The following HDLBP variants were observed in gnomAD, a reference collection of about 807,000 sequenced individuals.
HDLBP encodes high density lipoprotein binding protein, also known as vigilin.
A neutral mutation model predicts 137.3 loss-of-function variants in HDLBP; 30 were observed. That is an observed-to-expected ratio of 0.22 (90% confidence interval 0.16 to 0.30). The LOEUF (loss-of-function observed/expected upper bound fraction) is 0.30, where lower values mean the gene tolerates loss of function less well. HDLBP is among the 10% of genes least tolerant of loss of function. The pLI, the probability that HDLBP is intolerant of heterozygous loss-of-function variation, is 1.00. For synonymous variants in HDLBP, 606 were observed against 596.0 expected, an observed-to-expected ratio of 1.02 and a Z score of -0.24; for missense variants, 1,119 against 1,667.3, an observed-to-expected ratio of 0.67 and a Z score of 5.73.
At chr2:241,247,242 T>C in intron 14 of HDLBP, 100 bp from the exon 15 acceptor site, 2 of 744,916 alleles carry the variant, frequency 2.7e-6, no homozygotes, top group South Asian at 3.0e-5. Flanking sequence ...GACAGAGCAC[T>C]GGTATTTGCA....
chr2:241,249,228 G>A, intron 12 of HDLBP: 1 of 444,644 alleles, frequency 2.2e-6, no homozygotes, highest in Non-Finnish European at 4.7e-6. Context: ...CTAAGCGAAT[G>A]ACAGGGAACC....
intron 1 of HDLBP, among the ~76,000 whole-genome samples, chr2:241,288,764 C>T (rs993985764): frequency 2.6e-5 from 4 of 152,190 alleles, no homozygotes; most frequent in African/African-American, 4.8e-5. Context: ...GGGCTTGAAG[C>T]CCACGCAGGC....
At chr2:241,237,263 C>CA (rs1418334454) in intron 20 of HDLBP, among the ~76,000 whole-genome samples, 1 of 152,096 alleles carries the variant, frequency 6.6e-6, no homozygotes, top group Non-Finnish European at 1.5e-5. Flanking sequence ...AGGGCAAGGC[C>CA]AAGGTAAACC....
rs1465230622 is a variant in HDLBP, at chr2:241,238,919, C to T, written c.2611-132G>A. The T allele has an allele frequency of 1.2e-5, 8 of 673,358 alleles. No individual in the cohort carries two copies. The highest frequency in any genetic ancestry group is 8.7e-5 in the East Asian group (3 of 34,496). The allele number at this position is 673,358 out of a possible 1,614,324, so 41.7% of individuals were successfully genotyped here. ...CTTGGCACAGATGCTCCCCTTCTCCCGAGTCCAGGGCTCCAGGCGCAGGGA... is the reference window on the plus strand; with the variant it reads ...CTTGGCACAGATGCTCCCCTTCTCCTGAGTCCAGGGCTCCAGGCGCAGGGA... On this transcript the variant is annotated intron_variant, in intron 19 of 27. Transcript: ENST00000310931. The surrounding 1 kb of genome is among the most constrained non-coding windows in gnomAD (Gnocchi z 4.9).
chr2:241,256,496 A>AC (rs892803097), intron 6 of HDLBP, 97 bp from the exon 7 acceptor site: 1 of 1,496,672 alleles, frequency 6.7e-7, no homozygotes, highest in African/African-American at 1.4e-5. Flanking sequence ...CTCCACCCCC[A>AC]CCACATTATG....
At chr2:241,254,835 A>G (rs2072486523) in intron 9 of HDLBP, among the ~76,000 whole-genome samples, 1 of 152,226 alleles carries the variant, frequency 6.6e-6, no homozygotes, top group Non-Finnish European at 1.5e-5. Context: ...CTCTCTGGTT[A>G]AAGGCCAGAA....
At chr2:241,293,737 T>C (rs1292135450) in intron 1 of HDLBP, among the ~76,000 whole-genome samples, 5 of 150,286 alleles carry the variant, frequency 3.3e-5, no homozygotes, top group African/African-American at 4.9e-5. Context: ...CTGGGCAACA[T>C]AGCGAAACCT....
At chr2:241,231,122 C>T (rs375765013) in intron 24 of HDLBP, 178 bp from the exon 25 acceptor site, 54 of 587,548 alleles carry the variant, frequency 9.2e-5, no homozygotes, top group African/African-American at 8.8e-4. Flanking sequence ...CGGTGGCTCA[C>T]GCCTGTAATC....
intron 17 of HDLBP, among the ~76,000 whole-genome samples, chr2:241,241,136 C>T (rs1010465488): frequency 5.3e-5 from 8 of 152,064 alleles, no homozygotes; most frequent in Admixed American, 1.3e-4. Context: ...ACCCCAGAAA[C>T]GCAAGGCTGG....
intron 1 of HDLBP, among the ~76,000 whole-genome samples, chr2:241,278,963 T>C (rs2074497222): frequency 1.3e-5 from 2 of 152,166 alleles, no homozygotes; most frequent in Admixed American, 1.3e-4. Context: ...AGGCGGATGC[T>C]GCAGTGAACC....
intron 1 of HDLBP, among the ~76,000 whole-genome samples, chr2:241,291,479 AG>A (rs2075012838): frequency 6.6e-6 from 1 of 152,130 alleles, no homozygotes; most frequent in African/African-American, 2.4e-5. Context: ...TTATAGTACT[AG>A]GGGGAAATGC....
Position 241,235,009 on chromosome 2 carries a change from C to T in HDLBP, c.3144+112G>A, listed in dbSNP as rs999149497. The T allele has an allele frequency of 2.2e-6, 3 of 1,349,404 alleles. No individual in the cohort carries two copies. In the African/African-American group the frequency reaches 4.3e-5, roughly 19 times the overall value. The allele number at this position is 1,349,404 out of a possible 1,614,324, so 83.6% of individuals were successfully genotyped here. A position where few individuals can be genotyped will look rare whatever the true frequency, so the allele number is the denominator to read the frequency against. Reference sequence around the variant, plus strand: ...CCTGGCACTGCCTGCATCTCACCTCCAGCCAGATGTCGCTGGGATGCTGGG... The same window carrying T: ...CCTGGCACTGCCTGCATCTCACCTCTAGCCAGATGTCGCTGGGATGCTGGG... On this transcript the variant is annotated intron_variant, in intron 23 of 27. Transcript: ENST00000310931.
At chr2:241,256,972 G>C (rs1044046376) in intron 5 of HDLBP, among the ~76,000 whole-genome samples, 166 bp from the exon 6 acceptor site, 5 of 152,290 alleles carry the variant, frequency 3.3e-5, no homozygotes, top group African/African-American at 9.6e-5. Context: ...GCTTGGGGAA[G>C]GTTGCCCTGA....
chr2:241,305,557 C>T lies in HDLBP; in HGVS notation c.-103+10013G>A, dbSNP rs191229452. 9.9e-5 allele frequency among the ~76,000 whole-genome samples: 15 copies of T among 152,248 alleles called. No homozygotes were observed. In the East Asian group the frequency reaches 1.7e-3, roughly 18 times the overall value. ...CATTTTGAGTCGAATACTTCTGTTGCGGGGGCTGCCCTGTGTACCACAGGA... is the reference window on the plus strand; with the variant it reads ...CATTTTGAGTCGAATACTTCTGTTGTGGGGGCTGCCCTGTGTACCACAGGA... On this transcript the variant is annotated intron_variant, in intron 1 of 27. Transcript: ENST00000310931.
intron 1 of HDLBP, among the ~76,000 whole-genome samples, chr2:241,294,819 G>A (rs2075121085): frequency 6.6e-6 from 1 of 152,148 alleles, no homozygotes; most frequent in African/African-American, 2.4e-5. Flanking sequence ...AGGACAAATA[G>A]GCCAGACCCA....
chr2:241,253,419 G>C lies in HDLBP; in HGVS notation c.1267C>G (p.Gln423Glu). The change falls in exon 10 of 28, where the codon CAG becomes GAG. Residue 423 changes from glutamine to glutamate, a missense_variant. By Grantham distance (29) the Gln-to-Glu change is conservative (BLOSUM62 2). This residue lies in a region of HDLBP where 425 missense variants were observed against 693.9 expected (regional missense o/e 0.61). Transcript: ENST00000310931. ...PTEDVNVAQE[Q>E]IEGMVKDLIN... ...AAATCTTTGACCATGCCTTCTATCTGTTCCTGGGCCACATTGACATCCTCT... is the reference window on the plus strand; with the variant it reads ...AAATCTTTGACCATGCCTTCTATCTCTTCCTGGGCCACATTGACATCCTCT... The C allele has an allele frequency of 6.2e-7, 1 of 1,611,822 alleles. No individual in the cohort carries two copies. The highest frequency in any genetic ancestry group is 1.1e-5 in the South Asian group (1 of 91,038).
rs1485716781 is a variant in HDLBP at position 241,230,712 on chromosome 2, C to T, written c.3474+47G>A. 3.9e-6 allele frequency: 6 copies of T among 1,555,032 alleles called. No homozygotes were observed. The highest frequency in any genetic ancestry group is 3.4e-5 in the South Asian group (3 of 88,558). Reference sequence around the variant, plus strand: ...CTCTTTCTTCTGGCCAGCCAGGTGCCCCCGGTGAGAGAGGATTCTCACCCA... The same window carrying T: ...CTCTTTCTTCTGGCCAGCCAGGTGCTCCCGGTGAGAGAGGATTCTCACCCA... On this transcript the variant is annotated intron_variant, in intron 25 of 27. Transcript: ENST00000310931. The surrounding 1 kb of genome is among the most constrained non-coding windows in gnomAD (Gnocchi z 5.0).
At chr2:241,273,296 T>C (rs1358660630) in intron 1 of HDLBP, 5 of 930,204 alleles carry the variant, frequency 5.4e-6, no homozygotes, top group Non-Finnish European at 6.4e-6. Context: ...CTATTCCTTA[T>C]GTCCCTCACT....
At chr2:241,314,859 G>C (rs767943859) in intron 1 of HDLBP, among the ~76,000 whole-genome samples, 1 of 152,146 alleles carries the variant, frequency 6.6e-6, no homozygotes, top group Non-Finnish European at 1.5e-5. Context: ...CCTCTAAGCG[G>C]GGGAAACCTA....
Sources: allele counts gnomAD v4.1 joint callset (sites outside exome capture counted in the v4.1 genomes callset), GRCh38; gene constraint gnomAD v4.1.1; regional missense constraint gnomAD v4.1.1; non-coding constraint Gnocchi (gnomAD v3.1); transcripts MANE v1.5; gene names NCBI Gene and HGNC (gene_info 2026-07-23, HGNC 2026-07-21).